The following HSF2BP variants were observed in gnomAD, a reference collection of about 807,000 sequenced individuals.
HSF2BP encodes the protein heat shock transcription factor 2 binding protein, also known as heat shock factor 2-binding protein.
In HSF2BP, 35 loss-of-function variants were observed where a neutral mutation model predicts 35.0. That is an observed-to-expected ratio of 1.00 (90% CI 0.76 to 1.32). The LOEUF is 1.32. HSF2BP is among the 40% of genes most tolerant of loss of function. The probability of loss-of-function intolerance (pLI) is 0.00; values close to 1 mark genes in which losing one functional copy is unlikely to be tolerated. For missense variants in HSF2BP, 326 were observed against 321.7 expected (o/e 1.01, Z -0.10); for synonymous variants, 114 against 117.4 (o/e 0.97, Z 0.18).
intron 4 of HSF2BP, among the ~76,000 whole-genome samples, chr21:43,638,500 AT>A (rs1400244053): frequency 1.3e-5 from 2 of 152,232 alleles, no homozygotes; most frequent in African/African-American, 4.8e-5. Flanking sequence ...GGAAACCAAA[AT>A]TAAAAACACA....
At chr21:43,654,803 G>A (rs1231745672) in intron 3 of HSF2BP, among the ~76,000 whole-genome samples, 2 of 152,254 alleles carry the variant, frequency 1.3e-5, no homozygotes, top group African/African-American at 2.4e-5. Context: ...CTGTGAGTGT[G>A]CATGAGACTG....
At chr21:43,629,376 G>A (rs1043148516) in intron 6 of HSF2BP, among the ~76,000 whole-genome samples, 6 of 152,080 alleles carry the variant, frequency 3.9e-5, no homozygotes, top group African/African-American at 1.2e-4. Context: ...GACCAGCCTG[G>A]CCAACATGGA....
At chr21:43,645,646 G>C (rs1223215736) in intron 3 of HSF2BP, among the ~76,000 whole-genome samples, 1 of 152,160 alleles carries the variant, frequency 6.6e-6, no homozygotes, top group Non-Finnish European at 1.5e-5. Context: ...TTTCATTCTT[G>C]TACTGTCACT....
At chr21:43,604,344 C>G (rs929303400) in intron 7 of HSF2BP, among the ~76,000 whole-genome samples, 2 of 137,796 alleles carry the variant, frequency 1.5e-5, no homozygotes, top group African/African-American at 5.5e-5. Flanking sequence ...ACACATCACG[C>G]ACACACCACA....
intron 7 of HSF2BP, among the ~76,000 whole-genome samples, chr21:43,613,027 G>A (rs2082228411): frequency 6.6e-6 from 1 of 152,134 alleles, no homozygotes; most frequent in South Asian, 2.1e-4. Context: ...TTAATCAAAA[G>A]GAGTTTATCC....
chr21:43,607,985 A>G (rs2082155142), intron 7 of HSF2BP, among the ~76,000 whole-genome samples: 2 of 152,374 alleles, frequency 1.3e-5, no homozygotes, highest in South Asian at 4.1e-4. Context: ...ACCTCAAACT[A>G]TAAAAGTCCT....
chr21:43,602,856 CCAGAGGCCT>C (rs1174634581), intron 7 of HSF2BP, among the ~76,000 whole-genome samples: 3 of 152,160 alleles, frequency 2.0e-5, no homozygotes, highest in African/African-American at 4.8e-5. Context: ...AGCTCCCACC[CCAGAGGCCT>C]CTCTCCTCAC....
chr21:43,624,978 G>A (rs2082372363), intron 6 of HSF2BP, among the ~76,000 whole-genome samples: 1 of 152,110 alleles, frequency 6.6e-6, no homozygotes, highest in Non-Finnish European at 1.5e-5. Flanking sequence ...CCACCTTACA[G>A]ATGTCCAGAG....
At position 43,652,904 on chromosome 21, in the gene HSF2BP, G is replaced by A. The variant is rs192647858; in HGVS notation, c.187+3683C>T. The stretch of plus-strand genomic sequence containing the variant: ...TAATCCAGTGCTTTGGGAGGCCGAG[G>A]CGGGCAGATCACCTGAGGTCAGGAG... On this transcript the variant is annotated intron_variant, in intron 3 of 8. Transcript: ENST00000291560. Among the ~76,000 whole-genome samples the A allele has an allele frequency of 1.9e-3, 284 of 152,276 alleles. 1 individual carries two copies. Among genetic ancestry groups the A allele is most frequent in the African/African-American group, 6.3e-3 (262 of 41,544 alleles).
chr21:43,596,186 A>G (rs1215759473), intron 7 of HSF2BP, among the ~76,000 whole-genome samples: 2 of 152,196 alleles, frequency 1.3e-5, no homozygotes, highest in African/African-American at 4.8e-5. Flanking sequence ...GGCACCTCTT[A>G]TAGCACTTAA....
At chr21:43,634,025 A>G (rs2082519591) in intron 4 of HSF2BP, among the ~76,000 whole-genome samples, 1 of 152,254 alleles carries the variant, frequency 6.6e-6, no homozygotes, top group Non-Finnish European at 1.5e-5. Flanking sequence ...ACAGGGAAAG[A>G]AAACCTAAAA....
Position 43,598,436 on chromosome 21 carries a change from G to A in HSF2BP, c.693-6108C>T, listed in dbSNP as rs181407652. 5.7e-3 allele frequency among the ~76,000 whole-genome samples: 863 copies of A among 150,780 alleles called. 3 individuals are homozygous for A. The highest frequency in any genetic ancestry group is 9.0e-3 in the Non-Finnish European group (613 of 67,754). On this transcript the variant is annotated intron_variant, in intron 7 of 8. Coordinates refer to ENST00000291560, the MANE Select transcript of HSF2BP (RefSeq NM_007031.2). ...GGGGTTTCACCATGTTGGCCAAGCT[G>A]GTCTCAAACTCCTGACCTCAGGTGA...
chr21:43,629,693 A>G (rs1415683005), intron 6 of HSF2BP, among the ~76,000 whole-genome samples: 1 of 152,226 alleles, frequency 6.6e-6, no homozygotes, highest in Non-Finnish European at 1.5e-5. Flanking sequence ...GGCAGAAAAA[A>G]AGGATAAGTT....
At chr21:43,585,546 G>A (rs1046359115) in intron 8 of HSF2BP, among the ~76,000 whole-genome samples, 2 of 151,862 alleles carry the variant, frequency 1.3e-5, no homozygotes, top group African/African-American at 4.8e-5. Flanking sequence ...CTGGGAGGCT[G>A]AGACAGGGGA....
intron 7 of HSF2BP, among the ~76,000 whole-genome samples, chr21:43,611,976 T>TGG (rs2082210252): frequency 6.6e-6 from 1 of 152,172 alleles, no homozygotes; most frequent in Non-Finnish European, 1.5e-5. Flanking sequence ...TCATAAACAG[T>TGG]ATCTGAAAGA....
Position 43,630,402 on chromosome 21 carries a change from A to T in HSF2BP, c.494T>A (p.Val165Glu). The change falls in exon 6 of 9, where the codon GTG becomes GAG. Residue 165 changes from valine to glutamate, a missense_variant. Physicochemically the swap from Val to Glu is moderately radical, Grantham distance 121. Coordinates refer to ENST00000291560, the MANE Select transcript of HSF2BP (RefSeq NM_007031.2). ...CTGGACATCACCGTCTAACGACTTCACAAAACTCTCCATTGTTTGACCAGT... is the reference window on the plus strand; with the variant it reads ...CTGGACATCACCGTCTAACGACTTCTCAAAACTCTCCATTGTTTGACCAGT... ...SITGQTMESF[V>E]KSLDGDVQEL... 6.2e-7 allele frequency: 1 copy of T among 1,613,690 alleles called. No individual in the cohort carries two copies. The highest frequency in any genetic ancestry group is 1.1e-5 in the South Asian group (1 of 90,926).
At chr21:43,657,624 C>A (rs1157348341) in intron 2 of HSF2BP, among the ~76,000 whole-genome samples, 5 of 152,218 alleles carry the variant, frequency 3.3e-5, no homozygotes, top group Non-Finnish European at 7.3e-5. Context: ...ACGGATCTGG[C>A]CCCAGTCCAA....
At chr21:43,657,134 G>A (rs893168555) in intron 2 of HSF2BP, among the ~76,000 whole-genome samples, 9 of 152,332 alleles carry the variant, frequency 5.9e-5, no homozygotes, top group African/African-American at 2.2e-4. Context: ...ACTTTGGGAG[G>A]CCGAGGCGGG....
At chr21:43,642,655 T>C (rs1348097588) in intron 4 of HSF2BP, among the ~76,000 whole-genome samples, 2 of 152,198 alleles carry the variant, frequency 1.3e-5, no homozygotes, top group Non-Finnish European at 2.9e-5. Flanking sequence ...TTTTTAACTA[T>C]AAATAGGGAA....
Sources: gnomAD v4.1 joint callset for allele counts (sites outside exome capture counted in the v4.1 genomes callset) on GRCh38, gnomAD v4.1.1 for gene constraint, MANE v1.5 for transcripts, NCBI Gene and HGNC (gene_info 2026-07-23, HGNC 2026-07-21) for gene names.